The following HMCN2 variants were observed in gnomAD, a reference collection of about 807,000 sequenced individuals.
The protein encoded by HMCN2 is hemicentin 2, also known as hemicentin-2.
HMCN2 carries 325 observed loss-of-function variants against 377.5 expected under a neutral mutation model. The observed-to-expected ratio is 0.86, with a 90% confidence interval of 0.79 to 0.94. HMCN2 has a LOEUF of 0.94. Ranked by LOEUF, HMCN2 falls within the 40% of genes least tolerant of loss-of-function variation. The pLI is 0.00. For missense variants in HMCN2, 4,543 were observed against 4,725.3 expected (o/e 0.96, Z 1.13); for synonymous variants, 2,007 against 2,046.8 (o/e 0.98, Z 0.53).
chr9:130,373,916 A>ATGGAG (rs770264956), intron 48 of HMCN2, among the ~76,000 whole-genome samples: 1 of 149,218 alleles, frequency 6.7e-6, no homozygotes, highest in African/African-American at 2.5e-5. Flanking sequence ...GGATGGATGG[A>ATGGAG]GAAATTTGTG....
At chr9:130,379,650 G>T (rs1841592168) in intron 54 of HMCN2, among the ~76,000 whole-genome samples, 183 bp downstream of exon 54, 1 of 152,212 alleles carries the variant, frequency 6.6e-6, no homozygotes, top group Non-Finnish European at 1.5e-5. Flanking sequence ...GGTTTATAGA[G>T]CAGAGCCTCC....
chr9:130,274,615 A>G (rs957639287), intron 1 of HMCN2, among the ~76,000 whole-genome samples: 2 of 152,330 alleles, frequency 1.3e-5, no homozygotes, highest in South Asian at 4.1e-4. Flanking sequence ...CTTGTAAAAT[A>G]TTCTACTACT....
rs1842506191 is a variant in HMCN2 at position 130,394,571 on chromosome 9, T to C, written c.10688T>C (p.Val3563Ala). 1 of 1,284,688 alleles carries C rather than the reference T, an allele frequency of 7.8e-7. No homozygotes were observed. The highest frequency in any genetic ancestry group is 1.0e-6 in the Non-Finnish European group (1 of 985,824). The allele number at this position is 1,284,688 out of a possible 1,614,324, so 79.6% of individuals were successfully genotyped here. A position where few individuals can be genotyped will look rare whatever the true frequency, so the allele number is the denominator to read the frequency against. The change falls in exon 69 of 98, where the codon GTG becomes GCG. Residue 3563 changes from valine to alanine, a missense_variant. By Grantham distance (64) the Val-to-Ala change is moderately conservative. This residue lies in a region of HMCN2 where 1,073 missense variants were observed against 1,319.5 expected (regional missense o/e 0.81). Coordinates refer to ENST00000683500, the MANE Select transcript of HMCN2 (RefSeq NM_001291815.2). This position sits in a 1 kb window ranked among gnomAD's most constrained non-coding sequence, Gnocchi z 5.1. The stretch of plus-strand genomic sequence containing the variant: ...ACACGGGTGCTCCGGGTGGAGAATG[T>C]GCAGGTACCAGTGCCGCCGCCATGG... ...RATRVLRVEN[V>A]QVRDAGLYTC...
chr9:130,328,881 C>T (rs1164754228), intron 22 of HMCN2, among the ~76,000 whole-genome samples: 1 of 152,196 alleles, frequency 6.6e-6, no homozygotes, highest in Non-Finnish European at 1.5e-5. Flanking sequence ...GTATGATTTC[C>T]CTGCTGTTGC....
intron 93 of HMCN2, 36 bp from the exon 94 acceptor site, chr9:130,429,521 G>C (rs1487363203): frequency 6.5e-7 from 1 of 1,549,448 alleles, no homozygotes; most frequent in Non-Finnish European, 8.7e-7. Flanking sequence ...CCCTGGGCTA[G>C]ACCTCCCCAC....
At chr9:130,416,915 T>C (rs1316608827) in intron 85 of HMCN2, among the ~76,000 whole-genome samples, 2 of 151,756 alleles carry the variant, frequency 1.3e-5, no homozygotes, top group African/African-American at 4.8e-5. Flanking sequence ...GTTTTATTTA[T>C]TTATTTATTT....
intron 22 of HMCN2, among the ~76,000 whole-genome samples, chr9:130,334,716 T>TC (rs1838627055): frequency 1.6e-5 from 1 of 63,152 alleles, no homozygotes; most frequent in Non-Finnish European, 5.8e-5. Flanking sequence ...TTTCTCTCTC[T>TC]CTCTCTTCTC....
intron 31 of HMCN2, among the ~76,000 whole-genome samples, chr9:130,353,866 T>C (rs1197452474): frequency 6.6e-6 from 1 of 151,990 alleles, no homozygotes; most frequent in Non-Finnish European, 1.5e-5. Context: ...CGGTGAAGTG[T>C]GAGAGGGCAG....
At chr9:130,385,837 G>A in intron 60 of HMCN2, 75 bp downstream of exon 60, 1 of 1,066,118 alleles carries the variant, frequency 9.4e-7, no homozygotes, top group Non-Finnish European at 1.3e-6. Flanking sequence ...GAGCTGCGGG[G>A]AGGAAGGTGG....
At chr9:130,430,663 G>A (rs972655902) in intron 95 of HMCN2, 59 bp downstream of exon 95, 17 of 1,452,782 alleles carry the variant, frequency 1.2e-5, no homozygotes, top group East Asian at 2.5e-5. Flanking sequence ...TGGGCCCCTA[G>A]GGTGGGTGTG....
chr9:130,391,079 C>A lies in HMCN2; in HGVS notation c.9626C>A (p.Thr3209Asn). 2.0e-6 allele frequency: 2 copies of A among 987,860 alleles called. No individual in the cohort carries two copies. Among genetic ancestry groups the A allele is most frequent in the Non-Finnish European group, 2.4e-6 (2 of 830,256 alleles). The allele number at this position is 987,860 out of a possible 1,614,324, so 61.2% of individuals were successfully genotyped here. A position where few individuals can be genotyped will look rare whatever the true frequency, so the allele number is the denominator to read the frequency against. The change falls in exon 63 of 98, where the codon ACC becomes AAC. Residue 3209 changes from threonine (T) to asparagine (N), a missense_variant. Physicochemically the swap from Thr to Asn is moderately conservative, Grantham distance 65 (BLOSUM62 0). Coordinates refer to ENST00000683500, the MANE Select transcript of HMCN2 (RefSeq NM_001291815.2). The stretch of plus-strand genomic sequence containing the variant: ...ACCTACACGTGCGTGGCTGAGAACA[C>A]CCAGGCTGAGGCCCGCAAGGACTTC... The part of the protein sequence containing the change: ...AGTYTCVAEN[T>N]QAEARKDFVV...
At position 130,393,718 on chromosome 9, in the gene HMCN2, T is replaced by G. The variant is rs1192045238; in HGVS notation, c.10235-24T>G. ...GAGAGTCCTGGAATAAAATGGTTCCTGCCCACCTTTCTGCCCTCCATAGTG... is the reference window on the plus strand; with the variant it reads ...GAGAGTCCTGGAATAAAATGGTTCCGGCCCACCTTTCTGCCCTCCATAGTG... On this transcript the variant is annotated intron_variant, in intron 67 of 97. Transcript: ENST00000683500. This position sits in a 1 kb window ranked among gnomAD's most constrained non-coding sequence, Gnocchi z 5.2. 2.5e-6 allele frequency: 3 copies of G among 1,213,338 alleles called. No homozygotes were observed. The highest frequency in any genetic ancestry group is 3.1e-6 in the Non-Finnish European group (3 of 953,100). 75.2% of individuals were successfully genotyped at this position (1,213,338 alleles called of 1,614,324 possible).
At chr9:130,337,138 C>T (rs1838796786) in intron 22 of HMCN2, among the ~76,000 whole-genome samples, 2 of 152,194 alleles carry the variant, frequency 1.3e-5, no homozygotes, top group Non-Finnish European at 2.9e-5. Flanking sequence ...ACATATGGCC[C>T]AGTGACATCA....
intron 1 of HMCN2, among the ~76,000 whole-genome samples, chr9:130,270,879 T>A (rs1464744311): frequency 6.7e-6 from 1 of 148,406 alleles, no homozygotes; most frequent in Non-Finnish European, 1.5e-5. Context: ...TGCCCAGCCT[T>A]CCTCAGTTTT....
At position 130,427,604 on chromosome 9, in the gene HMCN2, G is replaced by A. The variant is rs1588447139; in HGVS notation, c.14050G>A (p.Asp4684Asn). ...CPTGFALAWD[D>N]RNCRDVDECA... is the part of the protein sequence containing the mutation. ...CACTGGCTTCGCCCTGGCCTGGGAT[G>A]ACAGGAACTGCAGAGGTGAGGGAGC... is the stretch of plus-strand genomic sequence containing the variant. The change falls in exon 92 of 98, where the codon GAC (aspartate) becomes AAC (asparagine). Residue 4684 changes from aspartate to asparagine, a missense_variant. Asp to Asn is a conservative substitution (Grantham distance 23, BLOSUM62 1). This residue lies in a region of HMCN2 where 1,155 missense variants were observed against 1,157.7 expected (regional missense o/e 1.00). Coordinates refer to ENST00000683500, the MANE Select transcript of HMCN2 (RefSeq NM_001291815.2). 6.5e-7 allele frequency: 1 copy of A among 1,550,312 alleles called. No individual in the cohort carries two copies.
rs1554935231 is a variant in HMCN2 at position 130,303,310 on chromosome 9, C to T, written c.1422-177C>T. 1.3e-5 allele frequency among the ~76,000 whole-genome samples: 2 copies of T among 152,230 alleles called. No homozygotes were observed. Among genetic ancestry groups the T allele is most frequent in the South Asian group, 2.1e-4 (1 of 4,834 alleles). On this transcript the variant is annotated intron_variant, in intron 9 of 97. Transcript: ENST00000683500. The surrounding 1 kb of genome is among the most constrained non-coding windows in gnomAD (Gnocchi z 5.2). ...ACTCAGAGAGAGGAAGGGCCTGACTCCAAGTCACACAGCATGTCATGGAAT... is the reference window on the plus strand; with the variant it reads ...ACTCAGAGAGAGGAAGGGCCTGACTTCAAGTCACACAGCATGTCATGGAAT...
rs1415428424 is a variant in HMCN2, at chr9:130,389,020, A to G, written c.9523+480A>G. 2.6e-5 allele frequency among the ~76,000 whole-genome samples: 4 copies of G among 152,154 alleles called. No homozygotes were observed. The South Asian group carries it at 6.2e-4, about 24-fold the overall frequency. ...TCCTCCGCATGACGGCAGAAGCCCC[A>G]CATGGTCTCCTGGGCCCACTGTGCC... is the stretch of plus-strand genomic sequence containing the variant. On this transcript the variant is annotated intron_variant, in intron 62 of 97. Coordinates refer to ENST00000683500, the MANE Select transcript of HMCN2 (RefSeq NM_001291815.2).
chr9:130,401,220 G>A (rs371482660), intron 77 of HMCN2, among the ~76,000 whole-genome samples: 241 of 152,314 alleles, frequency 1.6e-3, no homozygotes, highest in African/African-American at 5.5e-3. Context: ...AGCTCCCTGG[G>A]AGTTTTTGTA....
Position 130,360,764 on chromosome 9 carries a change from C to T in HMCN2, c.5950+160C>T, listed in dbSNP as rs887474602. Among the ~76,000 whole-genome samples the T allele has an allele frequency of 2.6e-5, 4 of 151,296 alleles. No individual in the cohort carries two copies. Among genetic ancestry groups the T allele is most frequent in the Admixed American group, 2.0e-4 (3 of 15,226 alleles). On this transcript the variant is annotated intron_variant, in intron 38 of 97. Transcript: ENST00000683500. This position sits in a 1 kb window ranked among gnomAD's most constrained non-coding sequence, Gnocchi z 4.7. ...ATCATCCATCCAACCATCCATCCAT[C>T]CATCCATCCATCCATCCATCCATCC...
Sources: allele counts gnomAD v4.1 joint callset (sites outside exome capture counted in the v4.1 genomes callset), GRCh38; gene constraint gnomAD v4.1.1; regional missense constraint gnomAD v4.1.1; non-coding constraint Gnocchi (gnomAD v3.1); transcripts MANE v1.5; gene names NCBI Gene and HGNC (gene_info 2026-07-23, HGNC 2026-07-21).